CXADR: variants seen among roughly 807,000 people sequenced by gnomAD.
CXADR encodes the protein CXADR cell adhesion molecule.
Under a neutral mutation model 40.3 loss-of-function variants are expected in CXADR, and 20 were observed. That is an observed-to-expected ratio of 0.50 (90% CI 0.35 to 0.72). The LOEUF (loss-of-function observed/expected upper bound fraction) is 0.72. CXADR is among the 30% of genes least tolerant of loss of function. The probability of loss-of-function intolerance (pLI) is 0.01; values close to 1 mark genes in which losing one functional copy is unlikely to be tolerated. For synonymous variants in CXADR, 150 were observed against 161.3 expected (o/e 0.93, Z 0.53); for missense variants, 332 against 449.1 (o/e 0.74, Z 2.36).
chr21:17,627,130 GCA>G, the CXADR span: 36 of 152,390 alleles, frequency 2.4e-4, no homozygotes, highest in African/African-American at 8.2e-4. Context: ...GCCAAGGCGG[GCA>G]GATCACCTGA....
At chr21:17,549,176 G>A (rs1321440268) in intron 2 of CXADR, among the ~76,000 whole-genome samples, 3 of 152,144 alleles carry the variant, frequency 2.0e-5, no homozygotes, top group East Asian at 3.9e-4. Context: ...ATAGTAAGGT[G>A]AGAATTATTA....
chr21:17,560,748 C>T lies in CXADR; in HGVS notation c.618C>T (p.Tyr206=), dbSNP rs1270184565. 1.9e-6 allele frequency: 3 copies of T among 1,613,862 alleles called. No individual in the cohort carries two copies. Among genetic ancestry groups the T allele is most frequent in the Admixed American group, 3.3e-5 (2 of 60,024 alleles). The change falls in exon 5 of 7, where the codon TAC becomes TAT. Residue 206 remains tyrosine, a synonymous_variant. Transcript: ENST00000284878. ...CTGTAAAAAATGCCTCTTCTGAGTA[C>T]TCTGGGACATACAGCTGTACAGTCA... ...VISVKNASSE[Y]SGTYSCTVRN...
chr21:17,612,450 G>C, the CXADR span: 1 of 152,202 alleles, frequency 6.6e-6, no homozygotes, highest in Non-Finnish European at 1.5e-5. Flanking sequence ...GCCCTGAGGC[G>C]GCGTCTTTTT....
chr21:17,615,023 T>C, the CXADR span, among the ~76,000 whole-genome samples: 1 of 152,176 alleles, frequency 6.6e-6, no homozygotes, highest in Non-Finnish European at 1.5e-5. Context: ...AACTAAATGT[T>C]TGTGTCCCTC....
chr21:17,608,722 T>A, the CXADR span: 1 of 383,214 alleles, frequency 2.6e-6, no homozygotes, highest in Non-Finnish European at 4.6e-6. Flanking sequence ...GGAGCCAGGC[T>A]ATAACCACAA....
At chr21:17,590,815 A>C (rs1390561683) in intron 7 of CXADR, among the ~76,000 whole-genome samples, 1 of 152,052 alleles carries the variant, frequency 6.6e-6, no homozygotes, top group African/African-American at 2.4e-5. Flanking sequence ...TTTCCATGTA[A>C]CAAGTCATTG....
chr21:17,618,659 C>G, the CXADR span, among the ~76,000 whole-genome samples: 1 of 152,104 alleles, frequency 6.6e-6, no homozygotes, highest in African/African-American at 2.4e-5. Flanking sequence ...GCCTCAGCCT[C>G]CCAAGTAGCT....
At chr21:17,629,717 A>T in the CXADR span, among the ~76,000 whole-genome samples, 2 of 152,212 alleles carry the variant, frequency 1.3e-5, no homozygotes, top group Non-Finnish European at 2.9e-5. Context: ...GGATGCCTGT[A>T]ATACCAGCTA....
chr21:17,580,599 G>A (rs950576667), intron 7 of CXADR, among the ~76,000 whole-genome samples: 2 of 152,050 alleles, frequency 1.3e-5, no homozygotes, highest in Non-Finnish European at 2.9e-5. Context: ...GACAGAGTGA[G>A]GCCTTGTCTC....
Position 17,566,448 on chromosome 21 carries a change from G to C in CXADR, c.*756G>C. 2.0e-6 allele frequency: 2 copies of C among 985,384 alleles called. No homozygotes were observed. The highest frequency in any genetic ancestry group is 2.4e-6 in the Non-Finnish European group (2 of 829,928). 61.0% of individuals were successfully genotyped at this position (985,384 alleles called of 1,614,324 possible). On this transcript the variant is annotated 3_prime_UTR_variant, in exon 7 of 7. Transcript: ENST00000284878. ...GAGATGACACTAGGTGCAATAGCAGGGATAGATTTTGTTGGTGAGTAGTCT... is the reference window on the plus strand; with the variant it reads ...GAGATGACACTAGGTGCAATAGCAGCGATAGATTTTGTTGGTGAGTAGTCT...
intron 1 of CXADR, among the ~76,000 whole-genome samples, chr21:17,545,590 C>G (rs1183669265): frequency 6.6e-6 from 1 of 151,826 alleles, no homozygotes; most frequent in African/African-American, 2.4e-5. Flanking sequence ...CCACACCCAG[C>G]TAGGCTAACT....
the CXADR span, among the ~76,000 whole-genome samples, chr21:17,621,883 A>G: frequency 2.0e-5 from 3 of 152,256 alleles, no homozygotes; most frequent in Admixed American, 6.5e-5. Flanking sequence ...TACTTTACAC[A>G]TTACAAGTTG....
At chr21:17,629,371 G>A in the CXADR span, among the ~76,000 whole-genome samples, 3 of 134,994 alleles carry the variant, frequency 2.2e-5, no homozygotes, top group Non-Finnish European at 4.6e-5. Flanking sequence ...CAGAGAGAGA[G>A]AGAGAGACTG....
chr21:17,576,606 G>A (rs1371770995), intron 7 of CXADR, among the ~76,000 whole-genome samples: 6 of 152,146 alleles, frequency 3.9e-5, no homozygotes, highest in African/African-American at 1.4e-4. Flanking sequence ...TTACTTCGGT[G>A]TAATTGATAA....
chr21:17,556,062 G>A (rs2061030692), intron 3 of CXADR, among the ~76,000 whole-genome samples: 1 of 152,126 alleles, frequency 6.6e-6, no homozygotes, highest in African/African-American at 2.4e-5. Context: ...ACAACTTGAT[G>A]GTCACATACC....
In CXADR at chr21:17,569,114, G is replaced by A. The variant is rs1569143415; in HGVS notation, c.*3422G>A. 1.0e-6 allele frequency: 1 copy of A among 985,412 alleles called. No individual in the cohort carries two copies. Among genetic ancestry groups the A allele is most frequent in the Non-Finnish European group, 1.2e-6 (1 of 829,928 alleles). 61.0% of individuals were successfully genotyped at this position (985,412 alleles called of 1,614,324 possible). On this transcript the variant is annotated 3_prime_UTR_variant, in exon 7 of 7. Coordinates refer to ENST00000284878, the MANE Select transcript of CXADR (RefSeq NM_001338.5). ...GAAGTTGACTATCAAATTCTGTGAT[G>A]TGTGGCTTCTTAAAAATATTCTCAG... is the stretch of plus-strand genomic sequence containing the variant.
chr21:17,588,501 G>T (rs2061413225), intron 7 of CXADR, among the ~76,000 whole-genome samples: 1 of 152,158 alleles, frequency 6.6e-6, no homozygotes, highest in Admixed American at 6.5e-5. Flanking sequence ...AAGCAATTGT[G>T]AATGGGAGTT....
chr21:17,560,991 T>C (rs937255361), intron 5 of CXADR, among the ~76,000 whole-genome samples, 167 bp downstream of exon 5: 1 of 152,202 alleles, frequency 6.6e-6, no homozygotes, highest in East Asian at 1.9e-4. Flanking sequence ...TTAAAAAAAC[T>C]TCATAATTGC....
chr21:17,564,056 A>G (rs2061166598), intron 6 of CXADR, among the ~76,000 whole-genome samples: 1 of 151,932 alleles, frequency 6.6e-6, no homozygotes, highest in African/African-American at 2.4e-5. Flanking sequence ...GTATCTATGA[A>G]GTGTAATAAA....
Sources: gnomAD v4.1 joint callset for allele counts (sites outside exome capture counted in the v4.1 genomes callset) on GRCh38, gnomAD v4.1.1 for gene constraint, MANE v1.5 for transcripts, NCBI Gene and HGNC (gene_info 2026-07-23, HGNC 2026-07-21) for gene names.